The following MSRA variants were observed in gnomAD, a reference collection of about 807,000 sequenced individuals.
The protein encoded by MSRA is methionine sulfoxide reductase A.
MSRA carries 54 observed loss-of-function variants against 31.3 expected under a neutral mutation model. The observed-to-expected ratio is 1.73, with a 90% CI of 1.39 to 2.17. MSRA has a LOEUF of 2.17. Ranked by LOEUF, MSRA falls within the 30% of genes most tolerant of loss-of-function variation. The probability of loss-of-function intolerance (pLI) is 0.00; values close to 1 mark genes in which losing one functional copy is unlikely to be tolerated. For missense variants in MSRA, 507 were observed against 300.9 expected (o/e 1.69, Z -5.07); for synonymous variants, 169 against 116.5 (o/e 1.45, Z -2.90).
At chr8:10,233,800 A>C (rs1811700573) in intron 2 of MSRA, among the ~76,000 whole-genome samples, 1 of 152,214 alleles carries the variant, frequency 6.6e-6, no homozygotes, top group African/African-American at 2.4e-5. Flanking sequence ...ACTTTTTAGA[A>C]ATGAAGATGT....
chr8:10,261,657 A>G (rs1016054903), intron 3 of MSRA, among the ~76,000 whole-genome samples: 2 of 152,226 alleles, frequency 1.3e-5, no homozygotes, highest in African/African-American at 4.8e-5. Context: ...TTTCTTGGCT[A>G]TTAACATCTT....
At chr8:10,057,726 C>G (rs750860972) in intron 1 of MSRA, among the ~76,000 whole-genome samples, 4 of 152,190 alleles carry the variant, frequency 2.6e-5, no homozygotes, top group African/African-American at 2.4e-5. Context: ...TTTGCGCTCT[C>G]TCGTTCTCTC....
At chr8:10,150,472 A>T (rs565161560) in intron 1 of MSRA, among the ~76,000 whole-genome samples, 1 of 152,336 alleles carries the variant, frequency 6.6e-6, no homozygotes, top group Admixed American at 6.5e-5. Flanking sequence ...ATTACCTTTT[A>T]TCAATTGAAA....
intron 1 of MSRA, among the ~76,000 whole-genome samples, chr8:10,065,870 T>A (rs780405015): frequency 5.3e-5 from 8 of 152,034 alleles, no homozygotes; most frequent in Non-Finnish European, 1.2e-4. Context: ...CTTGTCCCAG[T>A]GGCGCTAAGA....
chr8:10,332,451 T>TCAC (rs1802761404), intron 5 of MSRA, among the ~76,000 whole-genome samples: 1 of 146,514 alleles, frequency 6.8e-6, no homozygotes, highest in Non-Finnish European at 1.5e-5. Flanking sequence ...AAAAGAAAAA[T>TCAC]CCCCCCTCCC....
In MSRA at chr8:10,173,872, A is replaced by G. The variant is rs1332117156; in HGVS notation, c.143-33961A>G. ...CCAGGCAGCATTTGTCTGCTGCATA[A>G]AGACACACCTGGACTGCACGGAAGA... is the stretch of plus-strand genomic sequence containing the variant. On this transcript the variant is annotated intron_variant, in intron 1 of 5. Transcript: ENST00000317173. Among the ~76,000 whole-genome samples, 3 of 152,174 alleles carry G rather than the reference A, an allele frequency of 2.0e-5. No homozygotes were observed. In the East Asian group the frequency reaches 5.8e-4, roughly 29 times the overall value.
intron 1 of MSRA, among the ~76,000 whole-genome samples, chr8:10,124,981 T>C (rs530166751): frequency 1.6e-4 from 24 of 152,320 alleles, no homozygotes; most frequent in African/African-American, 5.8e-4. Flanking sequence ...CATTAAATAG[T>C]AAGATTGAAA....
intron 1 of MSRA, chr8:10,095,948 G>A: frequency 4.4e-6 from 6 of 1,358,028 alleles, no homozygotes; most frequent in Non-Finnish European, 5.7e-6. Context: ...TCTAATTAGA[G>A]GGAATATTAA....
At chr8:10,174,205 T>G (rs569042403) in intron 1 of MSRA, among the ~76,000 whole-genome samples, 44 of 152,096 alleles carry the variant, frequency 2.9e-4, no homozygotes, top group African/African-American at 1.0e-3. Context: ...GATATTTTGG[T>G]GAGGGTGTGG....
intron 3 of MSRA, among the ~76,000 whole-genome samples, chr8:10,262,613 C>T (rs1798540341): frequency 6.6e-6 from 1 of 152,116 alleles, no homozygotes; most frequent in South Asian, 2.1e-4. Flanking sequence ...TGGCCTTTAT[C>T]AGATATGTGA....
At chr8:10,323,158 G>C (rs916000095) in intron 5 of MSRA, among the ~76,000 whole-genome samples, 1 of 151,442 alleles carries the variant, frequency 6.6e-6, no homozygotes, top group Non-Finnish European at 1.5e-5. Flanking sequence ...CCACTTGAGC[G>C]GTGGGAGGGG....
chr8:10,200,902 C>A (rs1311815977), intron 1 of MSRA, among the ~76,000 whole-genome samples: 1 of 152,218 alleles, frequency 6.6e-6, no homozygotes, highest in Non-Finnish European at 1.5e-5. Flanking sequence ...GCGGAGAGGA[C>A]CTGGGCAGGA....
chr8:10,387,723 C>A (rs908810427), intron 5 of MSRA, among the ~76,000 whole-genome samples: 2 of 152,202 alleles, frequency 1.3e-5, no homozygotes, highest in Admixed American at 6.5e-5. Context: ...CCTGTCTGGG[C>A]ATGGTGATGA....
rs373258322 is a variant in MSRA at position 10,333,220 on chromosome 8, G to C, written c.543+13231G>C. Among the ~76,000 whole-genome samples the C allele has an allele frequency of 3.0e-4, 46 of 152,306 alleles. No individual in the cohort carries two copies. In the South Asian group the frequency reaches 8.1e-3, roughly 27 times the overall value. ...TCCTACTCATCTTTCAGTGGCAACAGGGGAATGTTTAGTGGCTCCCATATG... is the reference window on the plus strand; with the variant it reads ...TCCTACTCATCTTTCAGTGGCAACACGGGAATGTTTAGTGGCTCCCATATG... On this transcript the variant is annotated intron_variant, in intron 5 of 5. Transcript: ENST00000317173.
At chr8:10,071,676 A>G (rs1214712913) in intron 1 of MSRA, among the ~76,000 whole-genome samples, 1 of 151,912 alleles carries the variant, frequency 6.6e-6, no homozygotes, top group South Asian at 2.1e-4. Flanking sequence ...CCATTTTGAG[A>G]TAATTTTTGT....
At chr8:10,364,092 G>C (rs1321710740) in intron 5 of MSRA, among the ~76,000 whole-genome samples, 1 of 152,150 alleles carries the variant, frequency 6.6e-6, no homozygotes, top group Admixed American at 6.5e-5. Context: ...TAAAAACCTA[G>C]AGACCCTTTG....
chr8:10,327,930 A>G (rs986860103), intron 5 of MSRA, among the ~76,000 whole-genome samples: 7 of 151,758 alleles, frequency 4.6e-5, no homozygotes, highest in African/African-American at 1.7e-4. Context: ...AACAACTAGA[A>G]CAACAACAAC....
intron 3 of MSRA, among the ~76,000 whole-genome samples, chr8:10,274,418 C>G (rs141050664): frequency 3.3e-5 from 5 of 152,254 alleles, no homozygotes; most frequent in Admixed American, 1.3e-4. Flanking sequence ...ATGCTTCACT[C>G]CAAATGTCAC....
At chr8:10,384,379 G>A (rs577111910) in intron 5 of MSRA, among the ~76,000 whole-genome samples, 1 of 152,224 alleles carries the variant, frequency 6.6e-6, no homozygotes, top group Non-Finnish European at 1.5e-5. Context: ...GATATCGACA[G>A]ACCAGTGTCA....
Sources: allele counts gnomAD v4.1 joint callset (sites outside exome capture counted in the v4.1 genomes callset), GRCh38; gene constraint gnomAD v4.1.1; transcripts MANE v1.5; gene names NCBI Gene and HGNC (gene_info 2026-07-23, HGNC 2026-07-21).